NUMB: variants seen among roughly 807,000 people sequenced by gnomAD.
NUMB encodes NUMB endocytic adaptor protein.
Under a neutral mutation model 59.7 loss-of-function variants are expected in NUMB, and 29 were observed. That is an observed-to-expected ratio of 0.49 (90% CI 0.36 to 0.66). The LOEUF is 0.66. Among genes scored for constraint, NUMB ranks in the 30% least tolerant of loss-of-function variants. NUMB has a pLI of 0.00. For missense variants in NUMB, 723 were observed against 822.0 expected (o/e 0.88, Z 1.47); for synonymous variants, 288 against 288.2 (o/e 1.00, Z 0.01).
Position 73,276,749 on chromosome 14 carries a change from G to A in NUMB, c.1785C>T (p.Gly595=), listed in dbSNP as rs779525976. Residue 595 remains glycine, a synonymous_variant, in exon 13 of 13, where the codon GGC becomes GGT. Transcript: ENST00000555238. ...TATGCCTGTCTGCTGAGGCCAACCT[G>A]CCATCATCTACACCATTGAAAGCTG... ...GSAAFNGVDD[G]RLASADRHTE... is the part of the protein sequence containing the mutation. 13 of 1,613,782 alleles carry A rather than the reference G, an allele frequency of 8.1e-6. No individual in the cohort carries two copies. The highest frequency in any genetic ancestry group is 1.0e-5 in the Non-Finnish European group (12 of 1,179,944).
In NUMB at chr14:73,352,507, TA is replaced by T. The variant is rs1566756254; in HGVS notation, c.126+3118del. ...ATATATATATATATATATATATATA[TA>T]TATATATATATATATATATATGTTT... On this transcript the variant is annotated intron_variant, in intron 4 of 12. Coordinates refer to ENST00000555238, the MANE Select transcript of NUMB (RefSeq NM_001005743.2). 2.6e-3 allele frequency among the ~76,000 whole-genome samples: 42 copies of T among 15,974 alleles called. 9 individuals carry two copies. Among genetic ancestry groups the T allele is most frequent in the African/African-American group, 0.021 (41 of 1,978 alleles). The allele number at this position is 15,974 out of a possible 152,430, so 10.5% of individuals were successfully genotyped here. A position where few individuals can be genotyped will look rare whatever the true frequency, so the allele number is the denominator to read the frequency against.
intron 12 of NUMB, among the ~76,000 whole-genome samples, chr14:73,278,066 A>AAAAAC: frequency 6.6e-6 from 1 of 151,378 alleles, no homozygotes; most frequent in African/African-American, 2.4e-5. Context: ...AAAAAAAAAA[A>AAAAAC]AACACCTAGC....
intron 1 of NUMB, among the ~76,000 whole-genome samples, chr14:73,441,884 A>T (rs1205751923): frequency 2.6e-5 from 4 of 151,824 alleles, no homozygotes; most frequent in African/African-American, 7.3e-5. Flanking sequence ...AAACAACAAT[A>T]AAAAAAATAA....
intron 1 of NUMB, among the ~76,000 whole-genome samples, chr14:73,428,546 C>T (rs1897684188): frequency 2.0e-5 from 3 of 152,310 alleles, no homozygotes; most frequent in South Asian, 4.1e-4. Context: ...GTAATCCCAG[C>T]GCTTTAGAAG....
chr14:73,323,674 CAA>C (rs987585737), intron 4 of NUMB, among the ~76,000 whole-genome samples: 28 of 152,114 alleles, frequency 1.8e-4, no homozygotes, highest in African/African-American at 5.8e-4. Flanking sequence ...GACAGTTTTT[CAA>C]AGACTGAAGA....
At chr14:73,362,856 G>C (rs1025177673) in intron 3 of NUMB, among the ~76,000 whole-genome samples, 3 of 152,134 alleles carry the variant, frequency 2.0e-5, no homozygotes. Flanking sequence ...CCACTGGAAA[G>C]AGTGATCATG....
chr14:73,415,123 C>T (rs1019433523), intron 1 of NUMB, among the ~76,000 whole-genome samples: 7 of 152,184 alleles, frequency 4.6e-5, no homozygotes, highest in Non-Finnish European at 1.0e-4. Flanking sequence ...TTGCAAAATG[C>T]TATTTTTAGC....
rs182054073 is a variant in NUMB at position 73,331,813 on chromosome 14, G to A, written c.127-8609C>T. 9.1e-4 allele frequency among the ~76,000 whole-genome samples: 139 copies of A among 152,120 alleles called. 1 individual carries two copies. Among genetic ancestry groups the A allele is most frequent in the African/African-American group, 3.1e-3 (127 of 41,484 alleles). On this transcript the variant is annotated intron_variant, in intron 4 of 12. Coordinates refer to ENST00000555238, the MANE Select transcript of NUMB (RefSeq NM_001005743.2). Reference sequence around the variant, plus strand: ...GCCACCTTGTGAAGAGGTGCCTTCTGCCACGATTGCAAGTTTCCTGAGGCC... The same window carrying A: ...GCCACCTTGTGAAGAGGTGCCTTCTACCACGATTGCAAGTTTCCTGAGGCC...
intron 6 of NUMB, 24 bp downstream of exon 6, chr14:73,316,366 G>T: frequency 6.2e-7 from 1 of 1,609,536 alleles, no homozygotes; most frequent in Non-Finnish European, 8.5e-7. Flanking sequence ...TATAAAGCAA[G>T]CATGAATGTG....
chr14:73,330,812 T>C (rs1891934763), intron 4 of NUMB, among the ~76,000 whole-genome samples: 1 of 152,162 alleles, frequency 6.6e-6, no homozygotes, highest in Non-Finnish European at 1.5e-5. Flanking sequence ...AATGAATGAA[T>C]ATTTACTACA....
intron 6 of NUMB, chr14:73,297,882 T>C (rs1210463688): frequency 1.3e-5 from 2 of 151,866 alleles, no homozygotes; most frequent in Non-Finnish European, 1.5e-5. Context: ...ACAGACATTT[T>C]TCCTAATAAT....
chr14:73,455,244 T>A (rs1451734790), intron 1 of NUMB, among the ~76,000 whole-genome samples: 1 of 152,194 alleles, frequency 6.6e-6, no homozygotes, highest in Non-Finnish European at 1.5e-5. Context: ...AGAGGTTACA[T>A]AATCCCCTGG....
intron 2 of NUMB, among the ~76,000 whole-genome samples, chr14:73,376,405 G>C (rs1010715932): frequency 1.3e-5 from 2 of 151,908 alleles, no homozygotes; most frequent in Admixed American, 6.6e-5. Context: ...AATAAATGGA[G>C]AGACATTCCA....
At chr14:73,449,563 TGATA>T (rs1163540551) in intron 1 of NUMB, among the ~76,000 whole-genome samples, 1 of 152,194 alleles carries the variant, frequency 6.6e-6, no homozygotes, top group Non-Finnish European at 1.5e-5. Flanking sequence ...GACTATAATA[TGATA>T]GATAAACAGC....
intron 9 of NUMB, chr14:73,286,645 A>G (rs1295808337): frequency 6.0e-6 from 1 of 166,426 alleles, no homozygotes; most frequent in Non-Finnish European, 1.3e-5. Flanking sequence ...TTTTGTGACT[A>G]GAAAGCACTA....
At chr14:73,406,287 T>A in intron 2 of NUMB, among the ~76,000 whole-genome samples, 1 of 133,166 alleles carries the variant, frequency 7.5e-6, no homozygotes, top group Non-Finnish European at 1.6e-5. Context: ...ATGTTCCCCT[T>A]CCTGTGTCCA....
At chr14:73,386,906 A>G (rs1312526498) in intron 2 of NUMB, among the ~76,000 whole-genome samples, 1 of 81,730 alleles carries the variant, frequency 1.2e-5, no homozygotes, top group Admixed American at 2.0e-4. Flanking sequence ...TTTGAGACGG[A>G]GTCTCGCTCT....
intron 1 of NUMB, among the ~76,000 whole-genome samples, chr14:73,417,024 T>G (rs1383373006): frequency 6.6e-6 from 1 of 151,646 alleles, no homozygotes; most frequent in Non-Finnish European, 1.5e-5. Flanking sequence ...ATCTGAACAT[T>G]GAGAGGAGTT....
intron 7 of NUMB, among the ~76,000 whole-genome samples, chr14:73,294,950 T>TAA (rs61179657): frequency 8.2e-5 from 2 of 24,384 alleles, no homozygotes; most frequent in Non-Finnish European, 1.3e-4. Context: ...AACCCATCTC[T>TAA]AAAAAAAAAA....
Sources: allele counts gnomAD v4.1 joint callset (sites outside exome capture counted in the v4.1 genomes callset), GRCh38; gene constraint gnomAD v4.1.1; transcripts MANE v1.5; gene names NCBI Gene and HGNC (gene_info 2026-07-23, HGNC 2026-07-21).